The following RGS5 variants were observed in gnomAD, a reference collection of about 807,000 sequenced individuals.
RGS5 encodes regulator of G protein signaling 5.
A neutral mutation model predicts 18.9 loss-of-function variants in RGS5; 20 were observed. That is an observed-to-expected ratio of 1.06 (90% CI 0.74 to 1.54). The LOEUF is 1.54. Among genes scored for constraint, RGS5 ranks in the 40% most tolerant of loss-of-function variants. The pLI, the probability that RGS5 is intolerant of heterozygous loss-of-function variation, is 0.00. For synonymous variants in RGS5, 57 were observed against 76.2 expected (o/e 0.75, Z 1.31); for missense variants, 201 against 211.8 (o/e 0.95, Z 0.32).
At chr1:163,246,708 C>T (rs572393106) in intron 2 of RGS5, among the ~76,000 whole-genome samples, 72 of 152,262 alleles carry the variant, frequency 4.7e-4, no homozygotes, top group African/African-American at 1.5e-3. Flanking sequence ...CTTGTGTCTG[C>T]GAGCAATCTA....
intron 2 of RGS5, among the ~76,000 whole-genome samples, chr1:163,242,772 G>A (rs1177677545): frequency 1.3e-5 from 2 of 152,172 alleles, no homozygotes; most frequent in Non-Finnish European, 2.9e-5. Flanking sequence ...TGTTGACAGA[G>A]GGCTGAGGAA....
At chr1:163,319,532 A>G (rs1291874796) in intron 1 of RGS5, among the ~76,000 whole-genome samples, 2 of 152,218 alleles carry the variant, frequency 1.3e-5, no homozygotes, top group Non-Finnish European at 2.9e-5. Flanking sequence ...GGAATCAGGG[A>G]AAGAGCTGAA....
intron 2 of RGS5, among the ~76,000 whole-genome samples, chr1:163,227,171 A>C (rs1370227049): frequency 6.6e-6 from 1 of 152,204 alleles, no homozygotes; most frequent in Non-Finnish European, 1.5e-5. Context: ...GTATGGTTAC[A>C]TCTTTGCTCA....
chr1:163,315,430 A>C (rs952056383), intron 1 of RGS5, among the ~76,000 whole-genome samples: 1 of 152,126 alleles, frequency 6.6e-6, no homozygotes, highest in Admixed American at 6.6e-5. Flanking sequence ...ACATTGACCA[A>C]AAAATTTTAA....
intron 1 of RGS5, among the ~76,000 whole-genome samples, chr1:163,195,878 T>G (rs893202900): frequency 6.6e-6 from 1 of 152,150 alleles, no homozygotes; most frequent in East Asian, 1.9e-4. Context: ...ATTTATTTCT[T>G]TTAGCACTTC....
Position 163,159,880 on chromosome 1 carries a change from CACAT to C in RGS5, c.217+2031_217+2034del, listed in dbSNP as rs541559436. Among the ~76,000 whole-genome samples, 279 of 152,072 alleles carry C rather than the reference CACAT, an allele frequency of 1.8e-3. 1 individual carries two copies. Among genetic ancestry groups the C allele is most frequent in the Non-Finnish European group, 3.5e-3 (235 of 67,978 alleles). ...AAATATTGTGAATATTATATATATA[CACAT>C]ACATACATGTGTATACACACATACA... On this transcript the variant is annotated intron_variant, in intron 3 of 4. Coordinates refer to ENST00000313961, the MANE Select transcript of RGS5 (RefSeq NM_003617.4).
At chr1:163,217,389 CT>C in intron 1 of RGS5, 1 of 869,862 alleles carries the variant, frequency 1.1e-6, no homozygotes, top group South Asian at 2.7e-5. Context: ...GGCACTTTTC[CT>C]CCCATCAAAG....
chr1:163,299,380 A>G (rs539151486), intron 2 of RGS5, among the ~76,000 whole-genome samples: 61 of 152,318 alleles, frequency 4.0e-4, no homozygotes, highest in Non-Finnish European at 7.9e-4. Flanking sequence ...ACCACAAAAG[A>G]GCAACAATGA....
chr1:163,291,292 T>C (rs1376311782), intron 2 of RGS5, among the ~76,000 whole-genome samples: 1 of 152,174 alleles, frequency 6.6e-6, no homozygotes, highest in African/African-American at 2.4e-5. Context: ...GGGGGGTATC[T>C]ATCTAGCCAA....
intron 1 of RGS5, among the ~76,000 whole-genome samples, chr1:163,189,253 C>T (rs757597521): frequency 1.3e-5 from 2 of 152,118 alleles, no homozygotes; most frequent in African/African-American, 2.4e-5. Context: ...ATTGAATTTG[C>T]TATCTTGGCT....
intron 2 of RGS5, among the ~76,000 whole-genome samples, chr1:163,291,199 G>A (rs1285947548): frequency 6.6e-6 from 1 of 151,776 alleles, no homozygotes; most frequent in Admixed American, 6.6e-5. Flanking sequence ...AATCTCTAAT[G>A]AAGCTTCCTT....
chr1:163,176,775 AAAGAT>A (rs1658580564), intron 1 of RGS5, among the ~76,000 whole-genome samples: 1 of 152,272 alleles, frequency 6.6e-6, no homozygotes, highest in Non-Finnish European at 1.5e-5. Flanking sequence ...ACGAAATAAA[AAAGAT>A]AAGGTCCTCT....
chr1:163,277,955 T>C lies in RGS5; in HGVS notation c.-281+28278A>G, dbSNP rs139792320. On this transcript the variant is annotated intron_variant, in intron 2 of 5. Transcript: ENST00000618415. ...AATTCCTAAAGTTGAAGAGAGATCT[T>C]TTGAAATAACCCAGACAAAAAGAAA... 4.3e-4 allele frequency among the ~76,000 whole-genome samples: 66 copies of C among 152,098 alleles called. No homozygotes were observed. The East Asian group carries it at 0.012, about 27-fold the overall frequency.
chr1:163,232,545 A>C (rs1354190021), intron 2 of RGS5, among the ~76,000 whole-genome samples: 1 of 152,186 alleles, frequency 6.6e-6, no homozygotes, highest in African/African-American at 2.4e-5. Flanking sequence ...AAATGTCTCA[A>C]GGAGGAAAGG....
chr1:163,269,098 T>C (rs188695768), intron 2 of RGS5, among the ~76,000 whole-genome samples: 1 of 152,172 alleles, frequency 6.6e-6, no homozygotes, highest in Non-Finnish European at 1.5e-5. Context: ...CAAATTTGCT[T>C]ACAAAGATAA....
chr1:163,212,942 A>G (rs1486455864), intron 1 of RGS5: 1 of 152,104 alleles, frequency 6.6e-6, no homozygotes, highest in Non-Finnish European at 1.5e-5. Context: ...GAATTAGCTT[A>G]TGCTCCCTAT....
intron 2 of RGS5, among the ~76,000 whole-genome samples, chr1:163,249,776 G>C (rs1009855693): frequency 3.9e-5 from 6 of 152,160 alleles, no homozygotes; most frequent in Admixed American, 1.3e-4. Context: ...GAGCAACAGA[G>C]CAAGACTCCA....
intron 1 of RGS5, among the ~76,000 whole-genome samples, chr1:163,172,968 A>G (rs1658373493): frequency 6.6e-6 from 1 of 152,204 alleles, no homozygotes; most frequent in Admixed American, 6.5e-5. Context: ...ACATATGAAA[A>G]TAAAACAAAC....
intron 1 of RGS5, among the ~76,000 whole-genome samples, chr1:163,178,204 G>C (rs571401948): frequency 6.6e-6 from 1 of 152,254 alleles, no homozygotes; most frequent in Admixed American, 6.5e-5. Flanking sequence ...CCAGCTACTA[G>C]GGAAGCTGAG....
Sources: allele counts gnomAD v4.1 joint callset (sites outside exome capture counted in the v4.1 genomes callset), GRCh38; gene constraint gnomAD v4.1.1; transcripts MANE v1.5; gene names NCBI Gene and HGNC (gene_info 2026-07-23, HGNC 2026-07-21).